Variants in HSPA4 observed in about 807,000 individuals in gnomAD.
HSPA4 encodes heat shock protein family A (Hsp70) member 4.
Under a neutral mutation model 106.2 loss-of-function variants are expected in HSPA4, and 25 were observed. The ratio of observed to expected loss-of-function variants is 0.24; its 90% CI spans 0.17 to 0.33. The LOEUF (loss-of-function observed/expected upper bound fraction) is 0.33. HSPA4 is among the 10% of genes least tolerant of loss of function. The probability of loss-of-function intolerance (pLI) is 1.00; values close to 1 mark genes in which losing one functional copy is unlikely to be tolerated. For missense variants in HSPA4, 841 were observed against 996.0 expected, an observed-to-expected ratio of 0.84 and a Z score of 2.10; for synonymous variants, 332 against 333.6, an observed-to-expected ratio of 1.00 and a Z score of 0.05.
intron 1 of HSPA4, among the ~76,000 whole-genome samples, chr5:133,059,157 A>G (rs1765204436): frequency 6.8e-6 from 1 of 147,482 alleles, no homozygotes; most frequent in Admixed American, 6.8e-5. Context: ...ATAATAGAAT[A>G]ATAAAAGAGG....
At chr5:133,058,827 T>G (rs1765200023) in intron 1 of HSPA4, among the ~76,000 whole-genome samples, 1 of 151,260 alleles carries the variant, frequency 6.6e-6, no homozygotes, top group Non-Finnish European at 1.5e-5. Flanking sequence ...ACCCCATCTC[T>G]ACAAAAAGTA....
chr5:133,052,016 ATCT>A lies in HSPA4; in HGVS notation c.-231_-229del, dbSNP rs1765082412. 5 of 543,824 alleles carry A rather than the reference ATCT, an allele frequency of 9.2e-6. No homozygotes were observed. Among genetic ancestry groups the A allele is most frequent in the African/African-American group, 4.0e-5 (2 of 49,970 alleles). The allele number at this position is 543,824 out of a possible 1,614,324, so 33.7% of individuals were successfully genotyped here. A position where few individuals can be genotyped will look rare whatever the true frequency, so the allele number is the denominator to read the frequency against. The stretch of plus-strand genomic sequence containing the variant: ...TCTCGTCGCAACGAGATCTTTCGAG[ATCT>A]TCTCCGCCCCCGCTACCGGCGCCTC... On this transcript the variant is annotated 5_prime_UTR_variant, in exon 1 of 19. Coordinates refer to ENST00000304858, the MANE Select transcript of HSPA4 (RefSeq NM_002154.4).
At chr5:133,076,951 A>ATAT in intron 7 of HSPA4, 53 bp downstream of exon 7, 1 of 1,414,410 alleles carries the variant, frequency 7.1e-7, no homozygotes, top group Non-Finnish European at 9.8e-7. Context: ...TTCTCCACAT[A>ATAT]TATTAACCTT....
rs1169713818 is a variant in HSPA4 at position 133,091,494 on chromosome 5, T to G, written c.1560+120T>G. ...GACAGAGCTGCTGAGTGAGAGTGGG[T>G]TTGTATGTTTGCCCTTCCCCCAATA... is the stretch of plus-strand genomic sequence containing the variant. On this transcript the variant is annotated intron_variant, in intron 12 of 18. Transcript: ENST00000304858. 5 of 670,200 alleles carry G rather than the reference T, an allele frequency of 7.5e-6. No individual in the cohort carries two copies. The African/African-American group carries it at 9.1e-5, about 12-fold the overall frequency. 41.5% of individuals were successfully genotyped at this position (670,200 alleles called of 1,614,324 possible).
chr5:133,098,305 TTTTATTTTTTA>T (rs1765739923), intron 15 of HSPA4, among the ~76,000 whole-genome samples: 1 of 152,040 alleles, frequency 6.6e-6, no homozygotes, highest in Admixed American at 6.5e-5. Context: ...TTTATTTTAT[TTTTATTTTTTA>T]TTTATTTATT....
intron 18 of HSPA4, 91 bp from the exon 19 acceptor site, chr5:133,104,142 G>C: frequency 7.0e-7 from 1 of 1,432,610 alleles, no homozygotes; most frequent in Non-Finnish European, 9.7e-7. Context: ...GTTGAGGATT[G>C]GGTGGTGGGA....
intron 1 of HSPA4, among the ~76,000 whole-genome samples, chr5:133,063,185 C>T (rs1765266401): frequency 6.6e-6 from 1 of 152,122 alleles, no homozygotes; most frequent in African/African-American, 2.4e-5. Flanking sequence ...CAGCCTCAGG[C>T]TCCTGGGTTC....
chr5:133,085,713 ACAGT>A (rs1044523113), intron 7 of HSPA4, among the ~76,000 whole-genome samples: 1 of 151,770 alleles, frequency 6.6e-6, no homozygotes, highest in African/African-American at 2.4e-5. Context: ...AGACAATAAA[ACAGT>A]CAGTTACCTG....
chr5:133,092,830 T>C (rs775661280), intron 13 of HSPA4, 41 bp downstream of exon 13: 2 of 1,148,468 alleles, frequency 1.7e-6, no homozygotes, highest in Non-Finnish European at 1.2e-6. Flanking sequence ...TTTTTTTTTT[T>C]TTTTTTTTGA....
At chr5:133,099,140 T>C (rs1210360237) in intron 15 of HSPA4, among the ~76,000 whole-genome samples, 6 of 146,010 alleles carry the variant, frequency 4.1e-5, no homozygotes. Context: ...TCTTATCTTA[T>C]TTTTTTTGAA....
At position 133,052,072 on chromosome 5, in the gene HSPA4, C is replaced by T. The variant is rs1140677; in HGVS notation, c.-179C>T. The T allele has an allele frequency of 1.4e-5, 8 of 560,026 alleles. No homozygotes were observed. The highest frequency in any genetic ancestry group is 3.4e-5 in the Admixed American group (1 of 29,806). 34.7% of individuals were successfully genotyped at this position (560,026 alleles called of 1,614,324 possible). A position where few individuals can be genotyped will look rare whatever the true frequency, so the allele number is the denominator to read the frequency against. On this transcript the variant is annotated 5_prime_UTR_variant, in exon 1 of 19. Transcript: ENST00000304858. ...CTGCGGCCACTGAGCCGGAGCCGGCCTGAGCAGCGCTCTCGGTTGCAGTAC... is the reference window on the plus strand; with the variant it reads ...CTGCGGCCACTGAGCCGGAGCCGGCTTGAGCAGCGCTCTCGGTTGCAGTAC...
intron 14 of HSPA4, 82 bp from the exon 15 acceptor site, chr5:133,097,079 T>C: frequency 8.9e-7 from 1 of 1,129,338 alleles, no homozygotes; most frequent in South Asian, 1.5e-5. Context: ...GAAGAAAGAG[T>C]CTCTACTTTT....
rs1459030718 is a variant in HSPA4 at position 133,076,681 on chromosome 5, T to C, written c.691T>C (p.Leu231=). 16 of 1,613,594 alleles carry C rather than the reference T, an allele frequency of 9.9e-6. No individual in the cohort carries two copies. In the East Asian group the frequency reaches 3.3e-4, roughly 34 times the overall value. Residue 231 remains leucine (L), a synonymous_variant, in exon 7 of 19, where the codon TTG becomes CTG. Coordinates refer to ENST00000304858, the MANE Select transcript of HSPA4 (RefSeq NM_002154.4). ...TCTGGCCACTGCATTTGACACGACA[T>C]TGGGAGGTAGAAAATTTGATGAAGT... ...KVLATAFDTT[L]GGRKFDEVLV...
At chr5:133,055,810 G>A (rs760804301) in intron 1 of HSPA4, among the ~76,000 whole-genome samples, 27 of 152,192 alleles carry the variant, frequency 1.8e-4, no homozygotes, top group Non-Finnish European at 3.1e-4. Flanking sequence ...TGGCACGATA[G>A]CTCATGCCTG....
At position 133,067,480 on chromosome 5, in the gene HSPA4, G is replaced by C. The variant is rs1450729747; in HGVS notation, c.229G>C (p.Asp77His). ...FKRFHGRAFS[D>H]PFVEAEKSNL... ...AAGATTCCATGGCCGAGCATTCTCT[G>C]ATCCATTTGTGGAGGCAGAAAAATC... The change falls in exon 3 of 19, where the codon GAT (aspartate) becomes CAT (histidine). Residue 77 changes from aspartate (D) to histidine (H), a missense_variant. Transcript: ENST00000304858. 8.1e-6 allele frequency: 13 copies of C among 1,613,612 alleles called. No homozygotes were observed. The highest frequency in any genetic ancestry group is 1.0e-5 in the Non-Finnish European group (12 of 1,179,652).
chr5:133,082,608 G>T (rs561356141), intron 7 of HSPA4, among the ~76,000 whole-genome samples: 2 of 151,996 alleles, frequency 1.3e-5, no homozygotes, highest in Non-Finnish European at 2.9e-5. Flanking sequence ...TGGGAGTATA[G>T]GTGTTCACCG....
At chr5:133,060,659 G>A (rs551574226) in intron 1 of HSPA4, among the ~76,000 whole-genome samples, 101 of 152,164 alleles carry the variant, frequency 6.6e-4, no homozygotes, top group African/African-American at 2.4e-3. Flanking sequence ...AGCGCGCCTG[G>A]TGCTGTTTTA....
At chr5:133,091,118 G>A (rs768352995) in intron 11 of HSPA4, 75 bp from the exon 12 acceptor site, 1 of 1,186,470 alleles carries the variant, frequency 8.4e-7, no homozygotes, top group Non-Finnish European at 1.3e-6. Flanking sequence ...ACATAATCTA[G>A]CAATGTAGGC....
intron 17 of HSPA4, among the ~76,000 whole-genome samples, chr5:133,102,171 C>T (rs1386407206): frequency 6.6e-6 from 1 of 152,182 alleles, no homozygotes; most frequent in East Asian, 1.9e-4. Context: ...AAGTGATCCA[C>T]CTGCCTTGGC....
Sources: allele counts gnomAD v4.1 joint callset (sites outside exome capture counted in the v4.1 genomes callset), GRCh38; gene constraint gnomAD v4.1.1; transcripts MANE v1.5; gene names NCBI Gene and HGNC (gene_info 2026-07-23, HGNC 2026-07-21).